The following EYS variants were observed in gnomAD, a reference collection of about 807,000 sequenced individuals.
The protein encoded by EYS is EGF-like photoreceptor maintenance factor.
EYS carries 250 observed loss-of-function variants against 282.1 expected under a neutral mutation model. The observed-to-expected ratio is 0.89, with a 90% CI of 0.80 to 0.98. The LOEUF (loss-of-function observed/expected upper bound fraction) is 0.98. EYS is among the 50% of genes least tolerant of loss of function. The pLI is 0.00. For synonymous variants in EYS, 1,355 were observed against 1,282.9 expected, an observed-to-expected ratio of 1.06 and a Z score of -1.20; for missense variants, 4,016 against 3,709.0, an observed-to-expected ratio of 1.08 and a Z score of -2.15.
chr6:63,723,057 A>T (rs1404028499), intron 42 of EYS, among the ~76,000 whole-genome samples: 1 of 152,158 alleles, frequency 6.6e-6, no homozygotes, highest in Non-Finnish European at 1.5e-5. Flanking sequence ...CCATAAATAG[A>T]TGCTAAATAA....
chr6:64,098,773 TG>T (rs1429430322), intron 31 of EYS, among the ~76,000 whole-genome samples: 2 of 151,926 alleles, frequency 1.3e-5, no homozygotes, highest in African/African-American at 2.4e-5. Flanking sequence ...GCTAATTTTT[TG>T]TACTTTTTAG....
chr6:63,945,873 C>A (rs1392616335), intron 35 of EYS, among the ~76,000 whole-genome samples: 1 of 152,198 alleles, frequency 6.6e-6, no homozygotes, highest in African/African-American at 2.4e-5. Flanking sequence ...CTCACACTAT[C>A]ATATCAGATC....
At position 63,735,493 on chromosome 6, in the gene EYS, TCA is replaced by T. The variant is rs56885891; in HGVS notation, c.8072-8815_8072-8814del. Among the ~76,000 whole-genome samples the T allele has an allele frequency of 8.5e-4, 126 of 147,596 alleles. 1 individual carries two copies. In the Middle Eastern group the frequency reaches 0.017, roughly 20 times the overall value. Reference sequence around the variant, plus strand: ...CTTCCTGTGTCTCTGTCTGTCTCTGTCACACACACACACACACACACACCCTA... The same window carrying T: ...CTTCCTGTGTCTCTGTCTGTCTCTGTCACACACACACACACACACACCCTA... On this transcript the variant is annotated intron_variant, in intron 41 of 42. Transcript: ENST00000503581.
At chr6:65,083,151 A>T (rs753024115) in intron 12 of EYS, among the ~76,000 whole-genome samples, 30 of 152,026 alleles carry the variant, frequency 2.0e-4, no homozygotes, top group Non-Finnish European at 3.2e-4. Context: ...GAAGCAGGAA[A>T]CATAATTGCA....
chr6:65,683,200 A>C (rs1264898081), intron 1 of EYS, among the ~76,000 whole-genome samples: 1 of 152,032 alleles, frequency 6.6e-6, no homozygotes, highest in Non-Finnish European at 1.5e-5. Flanking sequence ...TTTCTCAAAA[A>C]TATTTTACAG....
intron 26 of EYS, among the ~76,000 whole-genome samples, chr6:64,481,274 GTATA>G (rs61390164): frequency 0.019 from 2,728 of 140,582 alleles, 29 homozygotes; most frequent in South Asian, 0.038. Flanking sequence ...GTGTGTGTGT[GTATA>G]TATATATATA....
chr6:63,798,182 T>G (rs775698369), intron 37 of EYS, among the ~76,000 whole-genome samples: 1 of 152,206 alleles, frequency 6.6e-6, no homozygotes. Context: ...GGGGGAAGAT[T>G]TGCAAGTATC....
chr6:65,298,764 A>G (rs1349805578), intron 11 of EYS, among the ~76,000 whole-genome samples: 4 of 151,418 alleles, frequency 2.6e-5, no homozygotes, highest in African/African-American at 7.3e-5. Flanking sequence ...AAAAATGATT[A>G]TATCTTAGTA....
At chr6:63,891,378 C>CTGGA in intron 35 of EYS, among the ~76,000 whole-genome samples, 1 of 152,248 alleles carries the variant, frequency 6.6e-6, no homozygotes, top group Non-Finnish European at 1.5e-5. Flanking sequence ...CATTAAAAAG[C>CTGGA]TTATCCACGA....
chr6:63,988,062 T>G (rs1196147920), intron 34 of EYS, among the ~76,000 whole-genome samples: 1 of 151,598 alleles, frequency 6.6e-6, no homozygotes, highest in East Asian at 1.9e-4. Context: ...ATTATCTTTG[T>G]GTATGTTATG....
chr6:64,876,817 G>A (rs1766764438), intron 19 of EYS, among the ~76,000 whole-genome samples: 1 of 152,104 alleles, frequency 6.6e-6, no homozygotes, highest in Non-Finnish European at 1.5e-5. Flanking sequence ...GTGGAATTGA[G>A]GGAGAAATTA....
chr6:63,893,771 C>A (rs1371513298), intron 35 of EYS, among the ~76,000 whole-genome samples: 2 of 152,044 alleles, frequency 1.3e-5, no homozygotes. Context: ...TCAGTCCAAG[C>A]TTTAAATTTA....
Position 65,691,647 on chromosome 6 carries a change from A to C in EYS, c.-448+15488T>G, listed in dbSNP as rs188753407. ...ATTGCTTTTAGTGTTTTCGTCATGA[A>C]GTCTTTGCCCATGCCTATGTCCTGA... On this transcript the variant is annotated intron_variant, in intron 1 of 42. Coordinates refer to ENST00000503581, the MANE Select transcript of EYS (RefSeq NM_001142800.2). Among the ~76,000 whole-genome samples, 215 of 150,198 alleles carry C rather than the reference A, an allele frequency of 1.4e-3. 5 individuals are homozygous for C. Among genetic ancestry groups the C allele is most frequent in the African/African-American group, 5.2e-3 (214 of 41,236 alleles).
At chr6:64,108,507 C>CTTTTT (rs530004392) in intron 31 of EYS, among the ~76,000 whole-genome samples, 4,334 of 116,612 alleles carry the variant, frequency 0.037, 73 homozygotes, top group African/African-American at 0.044. Flanking sequence ...TCCACTACTG[C>CTTTTT]TTTTTTTTTT....
intron 13 of EYS, among the ~76,000 whole-genome samples, chr6:65,047,120 C>T (rs1233485298): frequency 1.3e-5 from 2 of 151,650 alleles, no homozygotes; most frequent in African/African-American, 4.8e-5. Context: ...TATAAACTAC[C>T]CAGTCTCAGG....
At chr6:63,928,213 T>G (rs185178090) in intron 35 of EYS, among the ~76,000 whole-genome samples, 1 of 152,310 alleles carries the variant, frequency 6.6e-6, no homozygotes, top group East Asian at 1.9e-4. Flanking sequence ...AAGAGAAGGT[T>G]TATGCTGACT....
chr6:63,891,323 T>C (rs556321112), intron 35 of EYS, among the ~76,000 whole-genome samples: 6 of 152,318 alleles, frequency 3.9e-5, no homozygotes, highest in African/African-American at 1.4e-4. Flanking sequence ...TGAACATCGA[T>C]GCAAAAATCC....
At chr6:65,200,775 A>T (rs1027995318) in intron 12 of EYS, among the ~76,000 whole-genome samples, 1 of 152,102 alleles carries the variant, frequency 6.6e-6, no homozygotes, top group Non-Finnish European at 1.5e-5. Flanking sequence ...TTGCTTAGCC[A>T]CAAAATTTTC....
At chr6:65,175,479 G>C (rs137911511) in intron 12 of EYS, among the ~76,000 whole-genome samples, 13 of 151,150 alleles carry the variant, frequency 8.6e-5, no homozygotes, top group African/African-American at 3.1e-4. Flanking sequence ...GAAGAGATAA[G>C]GAAACCTTAC....
Sources: allele counts gnomAD v4.1 joint callset (sites outside exome capture counted in the v4.1 genomes callset), GRCh38; gene constraint gnomAD v4.1.1; transcripts MANE v1.5; gene names NCBI Gene and HGNC (gene_info 2026-07-23, HGNC 2026-07-21).